ADAMTSL1: variants seen among roughly 807,000 people sequenced by gnomAD.
ADAMTSL1 encodes ADAMTS like 1.
ADAMTSL1 carries 126 observed loss-of-function variants against 201.8 expected under a neutral mutation model. The ratio of observed to expected loss-of-function variants is 0.62; its 90% CI spans 0.54 to 0.72. The LOEUF (loss-of-function observed/expected upper bound fraction) is 0.72. ADAMTSL1 is among the 30% of genes least tolerant of loss of function. ADAMTSL1 has a pLI of 0.00. For missense variants in ADAMTSL1, 2,679 were observed against 2,277.8 expected (o/e 1.18, Z -3.59); for synonymous variants, 1,121 against 903.4 (o/e 1.24, Z -4.32).
intron 2 of ADAMTSL1, among the ~76,000 whole-genome samples, chr9:18,302,038 A>G (rs1833726871): frequency 6.6e-6 from 1 of 152,192 alleles, no homozygotes; most frequent in Non-Finnish European, 1.5e-5. Flanking sequence ...TTTTCATCAT[A>G]GTCAAAACCA....
intron 1 of ADAMTSL1, among the ~76,000 whole-genome samples, chr9:18,063,611 G>C (rs959201914): frequency 1.3e-5 from 2 of 152,152 alleles, no homozygotes; most frequent in African/African-American, 4.8e-5. Flanking sequence ...TGTTGACTAG[G>C]ACCCGTCAGA....
chr9:18,700,320 G>T (rs1288583898), intron 13 of ADAMTSL1, among the ~76,000 whole-genome samples: 1 of 151,712 alleles, frequency 6.6e-6, no homozygotes, highest in East Asian at 1.9e-4. Flanking sequence ...ACTTTTTTTT[G>T]ACATCATTGA....
intron 17 of ADAMTSL1, among the ~76,000 whole-genome samples, chr9:18,772,103 T>C (rs1413490617): frequency 1.3e-5 from 2 of 152,222 alleles, no homozygotes; most frequent in African/African-American, 4.8e-5. Flanking sequence ...TGTGTGTGCA[T>C]GTGCATGTTA....
chr9:18,084,775 G>C (rs930711891), intron 1 of ADAMTSL1, among the ~76,000 whole-genome samples: 5 of 148,026 alleles, frequency 3.4e-5, no homozygotes, highest in Admixed American at 6.9e-5. Flanking sequence ...GGAGACATGA[G>C]AGTGAGCAAA....
intron 1 of ADAMTSL1, among the ~76,000 whole-genome samples, chr9:18,160,399 C>T (rs1827330510): frequency 6.6e-6 from 1 of 151,970 alleles, no homozygotes. Flanking sequence ...TTAAGAGATA[C>T]TCTCTGGCCC....
chr9:18,114,974 C>G (rs1264181204), intron 1 of ADAMTSL1, among the ~76,000 whole-genome samples: 3 of 152,134 alleles, frequency 2.0e-5, no homozygotes, highest in Non-Finnish European at 4.4e-5. Flanking sequence ...TTGCTGATAC[C>G]TGCAGTGAAT....
chr9:18,908,742 G>C lies in ADAMTSL1; in HGVS notation c.*194G>C. 1.8e-6 allele frequency: 1 copy of C among 544,010 alleles called. No homozygotes were observed. The highest frequency in any genetic ancestry group is 3.3e-6 in the Non-Finnish European group (1 of 303,780). 33.7% of individuals were successfully genotyped at this position (544,010 alleles called of 1,614,324 possible). On this transcript the variant is annotated 3_prime_UTR_variant, in exon 29 of 29. Transcript: ENST00000380548. ...TGTTTTCTCTTTCAGTTAGCTGGAGGACAGGATGTTGGGAAAGGAAAGGAC... is the reference window on the plus strand; with the variant it reads ...TGTTTTCTCTTTCAGTTAGCTGGAGCACAGGATGTTGGGAAAGGAAAGGAC...
intron 20 of ADAMTSL1, among the ~76,000 whole-genome samples, chr9:18,801,098 G>T (rs1045736768): frequency 1.3e-5 from 2 of 152,172 alleles, no homozygotes; most frequent in Non-Finnish European, 2.9e-5. Context: ...TTCCTCAAGT[G>T]CTAAGGGCCC....
At chr9:18,119,235 G>A (rs1825393535) in intron 1 of ADAMTSL1, among the ~76,000 whole-genome samples, 1 of 152,058 alleles carries the variant, frequency 6.6e-6, no homozygotes. Flanking sequence ...TTGGATGTAG[G>A]CTAGACATTG....
chr9:18,378,956 AGGATACTT>A (rs1295390238), intron 2 of ADAMTSL1, among the ~76,000 whole-genome samples: 3 of 152,210 alleles, frequency 2.0e-5, no homozygotes, highest in Admixed American at 6.5e-5. Flanking sequence ...TTTGGGCTGC[AGGATACTT>A]GGTCATCTGA....
At chr9:18,107,640 T>G (rs1345107639) in intron 1 of ADAMTSL1, among the ~76,000 whole-genome samples, 1 of 152,134 alleles carries the variant, frequency 6.6e-6, no homozygotes, top group Non-Finnish European at 1.5e-5. Flanking sequence ...TGAAAATAAT[T>G]TAAGCAACAA....
At chr9:18,623,138 C>T (rs917050044) in intron 5 of ADAMTSL1, among the ~76,000 whole-genome samples, 1 of 152,052 alleles carries the variant, frequency 6.6e-6, no homozygotes, top group Admixed American at 6.5e-5. Context: ...TCAAGTGATC[C>T]ACCCGCCTCA....
At chr9:18,168,592 G>C (rs1220101261) in intron 2 of ADAMTSL1, among the ~76,000 whole-genome samples, 2 of 151,216 alleles carry the variant, frequency 1.3e-5, no homozygotes, top group East Asian at 3.9e-4. Flanking sequence ...ACATACGTGT[G>C]CCTGTGTCTT....
At chr9:18,585,530 G>A (rs1044308437) in intron 4 of ADAMTSL1, among the ~76,000 whole-genome samples, 1 of 152,070 alleles carries the variant, frequency 6.6e-6, no homozygotes, top group Non-Finnish European at 1.5e-5. Context: ...CTCATAGAAA[G>A]TCATACAACT....
chr9:18,843,603 T>G (rs1223647673), intron 23 of ADAMTSL1, among the ~76,000 whole-genome samples: 2 of 150,756 alleles, frequency 1.3e-5, no homozygotes, highest in Admixed American at 6.6e-5. Context: ...TTGGGGAAGT[T>G]CTCCTGGATA....
At chr9:18,199,980 G>T (rs1181205164) in intron 2 of ADAMTSL1, among the ~76,000 whole-genome samples, 1 of 151,928 alleles carries the variant, frequency 6.6e-6, no homozygotes, top group Non-Finnish European at 1.5e-5. Flanking sequence ...ATTATAGCTT[G>T]TCTGATTATA....
intron 2 of ADAMTSL1, among the ~76,000 whole-genome samples, chr9:18,320,086 C>A (rs1288087734): frequency 6.6e-6 from 1 of 151,968 alleles, no homozygotes; most frequent in Non-Finnish European, 1.5e-5. Context: ...CAGGGACGTT[C>A]ATCCTGAAAA....
At chr9:18,018,677 A>T (rs975727605) in intron 1 of ADAMTSL1, among the ~76,000 whole-genome samples, 3 of 151,972 alleles carry the variant, frequency 2.0e-5, no homozygotes, top group Admixed American at 2.0e-4. Flanking sequence ...CCTCAACCCA[A>T]TTGAGTCTTC....
chr9:17,968,989 C>G (rs1038400926), intron 1 of ADAMTSL1, among the ~76,000 whole-genome samples: 5 of 151,960 alleles, frequency 3.3e-5, no homozygotes, highest in African/African-American at 1.2e-4. Flanking sequence ...TTTGAGGCCC[C>G]TTTTTGAATC....
Sources: allele counts gnomAD v4.1 joint callset (sites outside exome capture counted in the v4.1 genomes callset), GRCh38; gene constraint gnomAD v4.1.1; transcripts MANE v1.5; gene names NCBI Gene and HGNC (gene_info 2026-07-23, HGNC 2026-07-21).